The following CCDC149 variants were observed in gnomAD, a reference collection of about 807,000 sequenced individuals.
CCDC149 encodes the protein coiled-coil domain-containing protein 149.
Under a neutral mutation model 59.9 loss-of-function variants are expected in CCDC149, and 45 were observed. The observed-to-expected ratio is 0.75, with a 90% CI of 0.59 to 0.96. CCDC149 has a LOEUF of 0.96. Ranked by LOEUF, CCDC149 falls within the 40% of genes least tolerant of loss-of-function variation. The pLI, the probability that CCDC149 is intolerant of heterozygous loss-of-function variation, is 0.00. For synonymous variants in CCDC149, 245 were observed against 260.6 expected (o/e 0.94, Z 0.58); for missense variants, 584 against 664.7 (o/e 0.88, Z 1.33).
At chr4:24,909,213 C>T (rs148992887) in intron 1 of CCDC149, among the ~76,000 whole-genome samples, 16 of 152,226 alleles carry the variant, frequency 1.1e-4, no homozygotes, top group East Asian at 3.9e-4. Flanking sequence ...AAAGAGAGGA[C>T]GGGGCTCTGG....
intron 1 of CCDC149, among the ~76,000 whole-genome samples, chr4:24,950,058 C>A (rs1206348758): frequency 6.6e-6 from 1 of 152,204 alleles, no homozygotes; most frequent in Non-Finnish European, 1.5e-5. Flanking sequence ...GCCATCTCTG[C>A]AGGGGTCACC....
chr4:24,851,428 GCT>G (rs1560217551), intron 4 of CCDC149, among the ~76,000 whole-genome samples: 1 of 152,126 alleles, frequency 6.6e-6, no homozygotes, highest in East Asian at 1.9e-4. Context: ...ACGCCTGGCT[GCT>G]CTCTCTTTGT....
At chr4:24,838,119 A>G in intron 5 of CCDC149, 37 bp downstream of exon 5, 1 of 1,483,028 alleles carries the variant, frequency 6.7e-7, no homozygotes, top group Non-Finnish European at 9.4e-7. Context: ...CAGCTGTGCA[A>G]ATGCATCCCC....
intron 1 of CCDC149, among the ~76,000 whole-genome samples, chr4:24,905,023 T>A (rs539506106): frequency 8.5e-5 from 13 of 152,126 alleles, no homozygotes; most frequent in Non-Finnish European, 1.5e-4. Context: ...TGCCTCGGCC[T>A]CCTGAGTAGC....
chr4:24,935,649 T>C (rs1722715669), intron 1 of CCDC149, among the ~76,000 whole-genome samples: 1 of 152,122 alleles, frequency 6.6e-6, no homozygotes, highest in African/African-American at 2.4e-5. Context: ...AGCAAGCCCT[T>C]ACCAGACACC....
Position 24,912,973 on chromosome 4 carries a change from C to G in CCDC149, c.-94G>C. Reference sequence around the variant, plus strand: ...GGGCCCCGCGCGGCCCCGAGAGGGCCCGGCGCCTCCGAGCCGCTGCGCCGC... The same window carrying G: ...GGGCCCCGCGCGGCCCCGAGAGGGCGCGGCGCCTCCGAGCCGCTGCGCCGC... On this transcript the variant is annotated 5_prime_UTR_variant, in exon 1 of 13. Transcript: ENST00000635206. 1 of 506,930 alleles carries G rather than the reference C, an allele frequency of 2.0e-6. No individual in the cohort carries two copies. Among genetic ancestry groups the G allele is most frequent in the Non-Finnish European group, 2.6e-6 (1 of 377,888 alleles). 31.4% of individuals were successfully genotyped at this position (506,930 alleles called of 1,614,324 possible). A position where few individuals can be genotyped will look rare whatever the true frequency, so the allele number is the denominator to read the frequency against.
chr4:24,924,210 A>G lies in CCDC149; in HGVS notation c.-64-29092T>C, dbSNP rs148952583. ...TCTGACCCAAAAGATCTTAAGCCAT[A>G]AAGTGATGAGATCAGATATTCAAGT... On this transcript the variant is annotated intron_variant, in intron 1 of 12. Coordinates refer to the CCDC149 transcript ENST00000389609. 1.4e-4 allele frequency among the ~76,000 whole-genome samples: 21 copies of G among 152,224 alleles called. No homozygotes were observed. The East Asian group carries it at 4.0e-3, about 29-fold the overall frequency.
intron 1 of CCDC149, among the ~76,000 whole-genome samples, chr4:24,922,886 A>G (rs1219609438): frequency 6.6e-6 from 1 of 151,892 alleles, no homozygotes; most frequent in East Asian, 1.9e-4. Flanking sequence ...TGGACCAAAA[A>G]TGTCTACAAT....
intron 1 of CCDC149, among the ~76,000 whole-genome samples, chr4:24,968,457 C>G (rs1233147918): frequency 6.6e-6 from 1 of 152,226 alleles, no homozygotes; most frequent in Non-Finnish European, 1.5e-5. Flanking sequence ...CTACTTGGAG[C>G]AGCAGAGTAC....
chr4:24,879,401 C>T (rs1175709385), intron 1 of CCDC149, among the ~76,000 whole-genome samples: 1 of 151,958 alleles, frequency 6.6e-6, no homozygotes, highest in Non-Finnish European at 1.5e-5. Context: ...CCTGTAGTCC[C>T]AGCTACTGAG....
At chr4:24,969,484 C>T (rs1251618033) in intron 1 of CCDC149, among the ~76,000 whole-genome samples, 1 of 152,194 alleles carries the variant, frequency 6.6e-6, no homozygotes, top group Admixed American at 6.5e-5. Flanking sequence ...ATTCCATGTG[C>T]CATACATCCT....
chr4:24,943,090 G>A (rs904695808), intron 1 of CCDC149, among the ~76,000 whole-genome samples: 4 of 151,844 alleles, frequency 2.6e-5, no homozygotes, highest in African/African-American at 4.8e-5. Context: ...GCATCGCCAA[G>A]TCAATCCTAA....
At chr4:24,936,816 A>G (rs1722796136) in intron 1 of CCDC149, among the ~76,000 whole-genome samples, 1 of 152,246 alleles carries the variant, frequency 6.6e-6, no homozygotes, top group African/African-American at 2.4e-5. Flanking sequence ...GGAGATGCCC[A>G]GAGCTGCATG....
intron 2 of CCDC149, 133 bp from the exon 3 acceptor site, chr4:24,873,852 G>C (rs1185300702): frequency 1.6e-6 from 1 of 638,504 alleles, no homozygotes; most frequent in East Asian, 2.8e-5. Context: ...GTAATGTGCT[G>C]AAGCAAGCTC....
chr4:24,816,165 G>A (rs982056289), intron 12 of CCDC149, among the ~76,000 whole-genome samples: 1 of 152,028 alleles, frequency 6.6e-6, no homozygotes, highest in African/African-American at 2.4e-5. Context: ...ACAGCTCACA[G>A]CAGCCACAAC....
intron 1 of CCDC149, among the ~76,000 whole-genome samples, chr4:24,877,158 C>T (rs974172422): frequency 3.3e-5 from 5 of 149,552 alleles, no homozygotes; most frequent in African/African-American, 9.8e-5. Context: ...CCAGAGTAAA[C>T]CTATATGGTT....
At chr4:24,910,047 C>A (rs1721784307) in intron 1 of CCDC149, among the ~76,000 whole-genome samples, 1 of 152,188 alleles carries the variant, frequency 6.6e-6, no homozygotes, top group Non-Finnish European at 1.5e-5. Context: ...TGTATTCACT[C>A]ACAGTTATAG....
At chr4:24,944,376 A>G (rs1451709245) in intron 1 of CCDC149, among the ~76,000 whole-genome samples, 4 of 151,736 alleles carry the variant, frequency 2.6e-5, no homozygotes, top group South Asian at 2.1e-4. Flanking sequence ...AGGAAGGGGA[A>G]CATCACACAC....
chr4:24,848,867 A>T (rs1043838785), intron 4 of CCDC149, among the ~76,000 whole-genome samples: 1 of 152,190 alleles, frequency 6.6e-6, no homozygotes, highest in Non-Finnish European at 1.5e-5. Flanking sequence ...CTCAGTGAAG[A>T]TGGAAAAGGC....
Sources: allele counts gnomAD v4.1 joint callset (sites outside exome capture counted in the v4.1 genomes callset), GRCh38; gene constraint gnomAD v4.1.1; transcripts MANE v1.5; gene names NCBI Gene and HGNC (gene_info 2026-07-23, HGNC 2026-07-21).